The following MAP3K7CL variants were observed in gnomAD, a reference collection of about 807,000 sequenced individuals.
MAP3K7CL encodes the protein MAP3K7 C-terminal-like protein.
Under a neutral mutation model 18.6 loss-of-function variants are expected in MAP3K7CL, and 16 were observed. The observed-to-expected ratio is 0.86, with a 90% confidence interval of 0.58 to 1.31. The LOEUF (loss-of-function observed/expected upper bound fraction) is 1.31. MAP3K7CL is among the 50% of genes most tolerant of loss of function. The pLI is 0.00. For synonymous variants in MAP3K7CL, 65 were observed against 66.8 expected (o/e 0.97, Z 0.13); for missense variants, 163 against 174.4 (o/e 0.93, Z 0.37).
intron 1 of MAP3K7CL, among the ~76,000 whole-genome samples, chr21:29,079,357 G>A (rs1170572320): frequency 6.6e-6 from 1 of 152,234 alleles, no homozygotes. Context: ...CAAAGGGCAT[G>A]CAGGCAAAGG....
intron 1 of MAP3K7CL, among the ~76,000 whole-genome samples, chr21:29,090,018 C>T (rs763023322): frequency 2.4e-4 from 37 of 152,168 alleles, no homozygotes; most frequent in Non-Finnish European, 5.0e-4. Flanking sequence ...TGATACTATT[C>T]GACCCATTTC....
chr21:29,095,169 C>T (rs1474201008), intron 4 of MAP3K7CL, among the ~76,000 whole-genome samples: 3 of 151,302 alleles, frequency 2.0e-5, no homozygotes, highest in Admixed American at 6.6e-5. Context: ...GATTCTGTTC[C>T]ACCACCCCAC....
At chr21:29,105,306 A>T (rs2086301868) in intron 4 of MAP3K7CL, among the ~76,000 whole-genome samples, 1 of 152,172 alleles carries the variant, frequency 6.6e-6, no homozygotes, top group Non-Finnish European at 1.5e-5. Context: ...CCGCCTTCCC[A>T]TGCCATGCTG....
intron 4 of MAP3K7CL, among the ~76,000 whole-genome samples, chr21:29,103,457 G>A (rs1010039331): frequency 2.0e-5 from 3 of 152,040 alleles, no homozygotes; most frequent in East Asian, 3.9e-4. Flanking sequence ...ACAGTCAGAC[G>A]CGGTGGCTCA....
At chr21:29,117,451 A>G (rs1170910590) in intron 4 of MAP3K7CL, among the ~76,000 whole-genome samples, 2 of 152,272 alleles carry the variant, frequency 1.3e-5, no homozygotes, top group Non-Finnish European at 2.9e-5. Context: ...TTTGAATGCT[A>G]TCACTGCTGA....
intron 4 of MAP3K7CL, among the ~76,000 whole-genome samples, chr21:29,099,210 CTTCCCAA>C (rs991294975): frequency 6.6e-6 from 1 of 151,476 alleles, no homozygotes; most frequent in Admixed American, 6.6e-5. Flanking sequence ...CCCACCCCAG[CTTCCCAA>C]GTAGCTGGGA....
chr21:29,099,736 C>A (rs2086188282), intron 4 of MAP3K7CL, among the ~76,000 whole-genome samples: 1 of 152,098 alleles, frequency 6.6e-6, no homozygotes, highest in Admixed American at 6.5e-5. Flanking sequence ...ACCTCTTCTT[C>A]CTTTCCTCTT....
rs112699343 is a variant in MAP3K7CL at position 29,133,568 on chromosome 21, G to A, written c.70+154G>A. 5.1e-3 allele frequency among the ~76,000 whole-genome samples: 771 copies of A among 152,218 alleles called. 5 individuals carry two copies. The highest frequency in any genetic ancestry group is 8.8e-3 in the Admixed American group (135 of 15,280). On this transcript the variant is annotated intron_variant, in intron 2 of 4. Coordinates refer to ENST00000399928, the MANE Select transcript of MAP3K7CL (RefSeq NM_001286620.2). ...ATTTCATCATGCATTGTTAGATGGCGGCTTCCAGAAATGCCTCTAGTGATG... is the reference window on the plus strand; with the variant it reads ...ATTTCATCATGCATTGTTAGATGGCAGCTTCCAGAAATGCCTCTAGTGATG...
intron 4 of MAP3K7CL, among the ~76,000 whole-genome samples, chr21:29,172,841 CCT>C (rs2087875448): frequency 8.0e-6 from 1 of 125,188 alleles, no homozygotes; most frequent in South Asian, 3.2e-4. Context: ...GCAACCCCCC[CCT>C]CCCCCCGCCC....
chr21:29,163,705 T>C (rs1281428576), intron 4 of MAP3K7CL, among the ~76,000 whole-genome samples: 2 of 150,370 alleles, frequency 1.3e-5, no homozygotes, highest in African/African-American at 4.9e-5. Context: ...TTTTTTTTTT[T>C]TTTTTTTTGA....
chr21:29,136,840 A>C (rs2086896758), intron 2 of MAP3K7CL, among the ~76,000 whole-genome samples: 1 of 152,170 alleles, frequency 6.6e-6, no homozygotes, highest in South Asian at 2.1e-4. Context: ...CATTTCTGAT[A>C]AGCCTAGCCT....
chr21:29,160,562 A>AG (rs1324599902), intron 4 of MAP3K7CL, among the ~76,000 whole-genome samples: 1 of 152,232 alleles, frequency 6.6e-6, no homozygotes, highest in East Asian at 1.9e-4. Flanking sequence ...TATTAATTAA[A>AG]GCATTCTGAT....
intron 4 of MAP3K7CL, among the ~76,000 whole-genome samples, chr21:29,174,466 C>T (rs1457081707): frequency 6.6e-6 from 1 of 152,118 alleles, no homozygotes; most frequent in African/African-American, 2.4e-5. Context: ...TTTTTGACTA[C>T]TAAAGAACCT....
At chr21:29,091,653 CT>C (rs566825852) in intron 2 of MAP3K7CL, 16 of 696,418 alleles carry the variant, frequency 2.3e-5, no homozygotes, top group Non-Finnish European at 3.4e-5. Flanking sequence ...GTTTTTCTTT[CT>C]TTTTTTTTCA....
chr21:29,164,434 C>T (rs138882031), intron 4 of MAP3K7CL, among the ~76,000 whole-genome samples: 28 of 152,314 alleles, frequency 1.8e-4, no homozygotes, highest in Admixed American at 1.6e-3. Flanking sequence ...CAAAGAGAGA[C>T]GCTAACTAAG....
intron 2 of MAP3K7CL, among the ~76,000 whole-genome samples, chr21:29,146,333 T>C (rs1456514114): frequency 6.6e-6 from 1 of 152,218 alleles, no homozygotes; most frequent in Non-Finnish European, 1.5e-5. Flanking sequence ...ATGGTCGTGA[T>C]GTCTAGGTTA....
chr21:29,171,540 G>A (rs1388435757), intron 4 of MAP3K7CL, among the ~76,000 whole-genome samples: 2 of 152,130 alleles, frequency 1.3e-5, no homozygotes, highest in African/African-American at 4.8e-5. Context: ...TCCCAACCGG[G>A]CGTGGTGGTT....
chr21:29,141,121 G>A (rs755294231), intron 2 of MAP3K7CL, among the ~76,000 whole-genome samples: 19 of 152,192 alleles, frequency 1.2e-4, no homozygotes, highest in Non-Finnish European at 2.5e-4. Context: ...CAGTGAGTAT[G>A]TTATAACCTA....
chr21:29,165,990 T>G lies in MAP3K7CL; in HGVS notation c.248+5934T>G, dbSNP rs528292667. Reference sequence around the variant, plus strand: ...ATTAGCGTATTCATCTCCTCAAACATTTGTCATATCTTTGTGGTGAGAACA... The same window carrying G: ...ATTAGCGTATTCATCTCCTCAAACAGTTGTCATATCTTTGTGGTGAGAACA... On this transcript the variant is annotated intron_variant, in intron 4 of 4. Transcript: ENST00000399928. 1.4e-3 allele frequency among the ~76,000 whole-genome samples: 215 copies of G among 152,340 alleles called. 1 individual carries two copies. Among genetic ancestry groups the G allele is most frequent in the Non-Finnish European group, 1.9e-3 (127 of 68,030 alleles).
Sources: gnomAD v4.1 joint callset for allele counts (sites outside exome capture counted in the v4.1 genomes callset) on GRCh38, gnomAD v4.1.1 for gene constraint, MANE v1.5 for transcripts, NCBI Gene and HGNC (gene_info 2026-07-23, HGNC 2026-07-21) for gene names.